Variants in GDA observed in about 807,000 individuals in gnomAD.
GDA encodes cytoplasmic PSD-95 interactor.
Under a neutral mutation model 59.6 loss-of-function variants are expected in GDA, and 18 were observed. The ratio of observed to expected loss-of-function variants is 0.30; its 90% CI spans 0.21 to 0.45. The LOEUF is 0.45. GDA is among the 20% of genes least tolerant of loss of function. GDA has a pLI of 1.00. For missense variants in GDA, 427 were observed against 552.3 expected, an observed-to-expected ratio of 0.77 and a Z score of 2.27; for synonymous variants, 201 against 201.1, an observed-to-expected ratio of 1.00 and a Z score of 0.00.
intron 9 of GDA, among the ~76,000 whole-genome samples, chr9:72,230,457 C>T (rs1564145601): frequency 6.6e-6 from 1 of 150,802 alleles, no homozygotes; most frequent in African/African-American, 2.4e-5. Flanking sequence ...TGCCATTGTA[C>T]TCCAGCCTGG....
intron 1 of GDA, among the ~76,000 whole-genome samples, chr9:72,125,945 C>T (rs951453175): frequency 6.6e-6 from 1 of 152,136 alleles, no homozygotes; most frequent in African/African-American, 2.4e-5. Flanking sequence ...GAGACAGAGT[C>T]TCGCTCTGTT....
rs182582707 is a variant in GDA at position 72,128,655 on chromosome 9, A to C, written c.-100+13822A>C. ...GTATTAAGATTTTGACAGCTCCTTC[A>C]GGGAGTTCTTTGCCAGTCTTCAAGC... On this transcript the variant is annotated intron_variant, in intron 1 of 13. Transcript: ENST00000545168. Among the ~76,000 whole-genome samples the C allele has an allele frequency of 7.9e-5, 12 of 152,332 alleles. No homozygotes were observed. In the East Asian group the frequency reaches 2.3e-3, roughly 29 times the overall value.
chr9:72,250,970 G>C lies in GDA; in HGVS notation c.*2628G>C. ...CGAGAGGGAAACATGGGAAGTAAAA[G>C]ATTAGGATGTGAAAGGTTGTCCTAA... is the stretch of plus-strand genomic sequence containing the variant. On this transcript the variant is annotated 3_prime_UTR_variant, in exon 14 of 14. Transcript: ENST00000358399. 2 of 711,380 alleles carry C rather than the reference G, an allele frequency of 2.8e-6. No homozygotes were observed. Among genetic ancestry groups the C allele is most frequent in the Non-Finnish European group, 4.7e-6 (2 of 426,116 alleles). 44.1% of individuals were successfully genotyped at this position (711,380 alleles called of 1,614,324 possible).
intron 3 of GDA, among the ~76,000 whole-genome samples, chr9:72,203,702 T>C (rs897798411): frequency 4.6e-5 from 7 of 152,214 alleles, no homozygotes; most frequent in Non-Finnish European, 8.8e-5. Context: ...AGGTGTTCAC[T>C]ACATGTGGTG....
chr9:72,174,008 A>C (rs1242791715), intron 1 of GDA, among the ~76,000 whole-genome samples: 1 of 152,132 alleles, frequency 6.6e-6, no homozygotes, highest in Non-Finnish European at 1.5e-5. Flanking sequence ...CCCTGTCTCT[A>C]AGCTCTCCTC....
chr9:72,218,007 G>A (rs973930590), intron 5 of GDA, among the ~76,000 whole-genome samples: 3 of 151,646 alleles, frequency 2.0e-5, no homozygotes, highest in Non-Finnish European at 4.4e-5. Flanking sequence ...TCCCACTCCC[G>A]GGTTTAAACA....
At chr9:72,135,561 G>A (rs1826190387) in intron 1 of GDA, among the ~76,000 whole-genome samples, 1 of 152,046 alleles carries the variant, frequency 6.6e-6, no homozygotes, top group Non-Finnish European at 1.5e-5. Context: ...TCTATTACGA[G>A]GAAGGTGTGC....
chr9:72,145,973 G>A (rs981712157), upstream of GDA, among the ~76,000 whole-genome samples: 15 of 152,046 alleles, frequency 9.9e-5, no homozygotes, highest in Non-Finnish European at 1.8e-4. Flanking sequence ...TGTGTTAAGG[G>A]GATGGATACA....
At chr9:72,240,549 T>A (rs74410621) in intron 10 of GDA, among the ~76,000 whole-genome samples, 7 of 152,302 alleles carry the variant, frequency 4.6e-5, no homozygotes, top group African/African-American at 1.7e-4. Flanking sequence ...AAATGTGACC[T>A]CATTTGGAAT....
At chr9:72,134,738 A>T (rs995860177) in intron 1 of GDA, among the ~76,000 whole-genome samples, 1 of 152,190 alleles carries the variant, frequency 6.6e-6, no homozygotes, top group Non-Finnish European at 1.5e-5. Flanking sequence ...AAGCCTGCAC[A>T]GATTCTGCCT....
In GDA at chr9:72,218,801, G is replaced by A. The variant is rs556700472; in HGVS notation, c.579-678G>A. Among the ~76,000 whole-genome samples the A allele has an allele frequency of 2.0e-4, 30 of 152,282 alleles. No homozygotes were observed. The Middle Eastern group carries it at 0.017, about 86-fold the overall frequency. ...CTTCATGGCTTCTAAAAGCCTCCAA[G>A]TGCATAGGACTTCATGACTCTAACA... On this transcript the variant is annotated intron_variant, in intron 5 of 13. Coordinates refer to ENST00000358399, the MANE Select transcript of GDA (RefSeq NM_004293.5).
intron 1 of GDA, among the ~76,000 whole-genome samples, chr9:72,172,240 AT>A (rs1563932223): frequency 1.3e-5 from 2 of 150,692 alleles, no homozygotes; most frequent in East Asian, 3.9e-4. Flanking sequence ...ATATATATAT[AT>A]ATAATAGTAT....
chr9:72,248,916 C>G lies in GDA; in HGVS notation c.*574C>G, dbSNP rs533147397. The G allele has an allele frequency of 2.2e-5, 22 of 985,956 alleles. No individual in the cohort carries two copies. Among genetic ancestry groups the G allele is most frequent in the Middle Eastern group, 5.2e-4 (1 of 1,912 alleles). The allele number at this position is 985,956 out of a possible 1,614,324, so 61.1% of individuals were successfully genotyped here. A position where few individuals can be genotyped will look rare whatever the true frequency, so the allele number is the denominator to read the frequency against. On this transcript the variant is annotated 3_prime_UTR_variant, in exon 14 of 14. Transcript: ENST00000358399. Reference sequence around the variant, plus strand: ...TGACCTTGTGTTTTAGAAATTTGCACTTAATGGAATTTGCATTTCAGAGAT... The same window carrying G: ...TGACCTTGTGTTTTAGAAATTTGCAGTTAATGGAATTTGCATTTCAGAGAT...
chr9:72,193,455 C>T (rs916977797), intron 1 of GDA, among the ~76,000 whole-genome samples: 2 of 152,270 alleles, frequency 1.3e-5, no homozygotes, highest in Non-Finnish European at 2.9e-5. Flanking sequence ...CTCTTGTTCT[C>T]TTCCCTTACT....
intron 1 of GDA, among the ~76,000 whole-genome samples, chr9:72,189,781 C>T (rs1832310772): frequency 6.6e-6 from 1 of 152,112 alleles, no homozygotes; most frequent in African/African-American, 2.4e-5. Context: ...GTGGAAGTTG[C>T]ACTGAGCCAA....
At position 72,177,399 on chromosome 9, in the gene GDA, A is replaced by G. The variant is rs527413990; in HGVS notation, c.124-18101A>G. Among the ~76,000 whole-genome samples the G allele has an allele frequency of 3.9e-5, 6 of 152,134 alleles. No individual in the cohort carries two copies. In the East Asian group the frequency reaches 5.8e-4, roughly 15 times the overall value. ...GCGTGAGCCACCGTGCCTGGACAAAACATCTGTTTTTAAAACTTTAAAACT... is the reference window on the plus strand; with the variant it reads ...GCGTGAGCCACCGTGCCTGGACAAAGCATCTGTTTTTAAAACTTTAAAACT... On this transcript the variant is annotated intron_variant, in intron 1 of 13. Coordinates refer to ENST00000358399, the MANE Select transcript of GDA (RefSeq NM_004293.5).
chr9:72,180,362 A>C (rs1831037094), intron 1 of GDA, among the ~76,000 whole-genome samples: 2 of 152,158 alleles, frequency 1.3e-5, no homozygotes, highest in Non-Finnish European at 2.9e-5. Context: ...CTCTCAAAAA[A>C]AATAAAAATA....
intron 1 of GDA, among the ~76,000 whole-genome samples, chr9:72,173,253 A>G (rs1702620037): frequency 6.6e-6 from 1 of 151,588 alleles, no homozygotes; most frequent in African/African-American, 2.4e-5. Flanking sequence ...ACTTCCCTCC[A>G]TCTCCAAAGC....
chr9:72,258,226 T>C (rs1304435620), downstream of GDA, among the ~76,000 whole-genome samples: 1 of 151,270 alleles, frequency 6.6e-6, no homozygotes, highest in African/African-American at 2.4e-5. Flanking sequence ...GGTGTGAGGA[T>C]CACTTGGGCC....
Sources: gnomAD v4.1 joint callset for allele counts (sites outside exome capture counted in the v4.1 genomes callset) on GRCh38, gnomAD v4.1.1 for gene constraint, MANE v1.5 for transcripts, NCBI Gene and HGNC (gene_info 2026-07-23, HGNC 2026-07-21) for gene names.